Variants in NOS1AP observed in about 807,000 individuals in gnomAD.
The protein encoded by NOS1AP is carboxyl-terminal PDZ ligand of neuronal nitric oxide synthase protein.
NOS1AP carries 21 observed loss-of-function variants against 56.2 expected under a neutral mutation model. The observed-to-expected ratio is 0.37, with a 90% CI of 0.26 to 0.54. The LOEUF (loss-of-function observed/expected upper bound fraction) is 0.54, where lower values mean the gene tolerates loss of function less well. Ranked by LOEUF, NOS1AP falls within the 20% of genes least tolerant of loss-of-function variation. The pLI is 0.84. For synonymous variants in NOS1AP, 270 were observed against 274.6 expected (o/e 0.98, Z 0.17); for missense variants, 522 against 657.8 (o/e 0.79, Z 2.26).
chr1:162,264,402 C>CCTCCTCTCTTCTCTTCTCTTCTCTT lies in NOS1AP; in HGVS notation c.178-22939_178-22938insCTCTCTTCTCTTCTCTTCTCTTCTC. 4.5e-5 allele frequency among the ~76,000 whole-genome samples: 2 copies of CCTCCTCTCTTCTCTTCTCTTCTCTT among 44,876 alleles called. 1 individual carries two copies. Among genetic ancestry groups the CCTCCTCTCTTCTCTTCTCTTCTCTT allele is most frequent in the Non-Finnish European group, 9.2e-5 (2 of 21,760 alleles). 29.4% of individuals were successfully genotyped at this position (44,876 alleles called of 152,430 possible). A position where few individuals can be genotyped will look rare whatever the true frequency, so the allele number is the denominator to read the frequency against. On this transcript the variant is annotated intron_variant, in intron 2 of 9. Coordinates refer to ENST00000361897, the MANE Select transcript of NOS1AP (RefSeq NM_014697.3). The stretch of plus-strand genomic sequence containing the variant: ...TGTTTCTCATCCCTCTTTGCCCTCT[C>CCTCCTCTCTTCTCTTCTCTTCTCTT]CTCTTCTCTTCCCTTCTCTTCCCTT...
At chr1:162,097,095 C>T (rs950936883) in intron 1 of NOS1AP, among the ~76,000 whole-genome samples, 3 of 150,112 alleles carry the variant, frequency 2.0e-5, no homozygotes, top group Non-Finnish European at 4.4e-5. Flanking sequence ...TTTTGTTATC[C>T]TTAACAGTTT....
At chr1:162,258,326 G>A (rs1452337103) in intron 2 of NOS1AP, among the ~76,000 whole-genome samples, 1 of 152,182 alleles carries the variant, frequency 6.6e-6, no homozygotes, top group Non-Finnish European at 1.5e-5. Flanking sequence ...CTTGTAAACA[G>A]TGACTCCTTA....
chr1:162,350,557 C>T (rs922109846), intron 6 of NOS1AP, among the ~76,000 whole-genome samples: 1 of 152,230 alleles, frequency 6.6e-6, no homozygotes, highest in African/African-American at 2.4e-5. Flanking sequence ...GACCCTGTTC[C>T]CCTGGAGGTG....
intron 2 of NOS1AP, among the ~76,000 whole-genome samples, chr1:162,165,319 CA>C (rs781481183): frequency 6.8e-5 from 10 of 146,814 alleles, no homozygotes; most frequent in East Asian, 5.9e-4. Context: ...GAAACTCTGT[CA>C]AAAAAAAAAG....
intron 2 of NOS1AP, among the ~76,000 whole-genome samples, chr1:162,159,248 G>A (rs576642043): frequency 6.7e-4 from 102 of 152,052 alleles, no homozygotes; most frequent in Non-Finnish European, 1.4e-3. Context: ...GAGGAATAAT[G>A]AGAGCCAGAC....
chr1:162,147,393 A>G (rs1416482979), intron 1 of NOS1AP, among the ~76,000 whole-genome samples: 1 of 152,172 alleles, frequency 6.6e-6, no homozygotes, highest in East Asian at 1.9e-4. Flanking sequence ...AGCACCTGAC[A>G]TAAACCTTGT....
chr1:162,263,731 C>T (rs1415912822), intron 2 of NOS1AP, among the ~76,000 whole-genome samples: 1 of 152,120 alleles, frequency 6.6e-6, no homozygotes, highest in Non-Finnish European at 1.5e-5. Context: ...TAATTATATG[C>T]CCACTGCCTA....
At chr1:162,310,364 TG>T (rs1333533337) in intron 4 of NOS1AP, among the ~76,000 whole-genome samples, 5 of 152,260 alleles carry the variant, frequency 3.3e-5, no homozygotes, top group African/African-American at 1.2e-4. Context: ...AGCCTCGCAT[TG>T]CCTAAGGTTT....
At chr1:162,127,583 T>C (rs1451040790) in intron 1 of NOS1AP, among the ~76,000 whole-genome samples, 1 of 151,158 alleles carries the variant, frequency 6.6e-6, no homozygotes, top group Non-Finnish European at 1.5e-5. Flanking sequence ...TATAGGAAGA[T>C]TGATGTTGGC....
At chr1:162,177,432 T>C (rs938165090) in intron 2 of NOS1AP, among the ~76,000 whole-genome samples, 21 of 152,042 alleles carry the variant, frequency 1.4e-4, no homozygotes, top group African/African-American at 4.8e-4. Context: ...TGAGTTGTGG[T>C]GGTGTCTGTT....
chr1:162,312,835 T>G (rs1470910571), intron 4 of NOS1AP, among the ~76,000 whole-genome samples: 1 of 151,672 alleles, frequency 6.6e-6, no homozygotes, highest in Non-Finnish European at 1.5e-5. Context: ...TATATGCAAA[T>G]CAATAAATGT....
intron 2 of NOS1AP, among the ~76,000 whole-genome samples, chr1:162,287,042 G>A (rs1007759217): frequency 6.6e-6 from 1 of 152,178 alleles, no homozygotes; most frequent in Non-Finnish European, 1.5e-5. Context: ...ATGATAGAAT[G>A]AGTTATTGAG....
chr1:162,214,447 A>T (rs1039247516), intron 2 of NOS1AP, among the ~76,000 whole-genome samples: 3 of 152,162 alleles, frequency 2.0e-5, no homozygotes, highest in Non-Finnish European at 2.9e-5. Context: ...ACGGTGGTAA[A>T]GGCTGTACAC....
intron 1 of NOS1AP, among the ~76,000 whole-genome samples, chr1:162,076,456 A>G (rs1481166131): frequency 6.6e-6 from 1 of 152,212 alleles, no homozygotes; most frequent in Non-Finnish European, 1.5e-5. Context: ...ATTGAGATGT[A>G]GTTCACATAC....
At chr1:162,319,949 G>A (rs550437876) in intron 4 of NOS1AP, among the ~76,000 whole-genome samples, 1 of 152,106 alleles carries the variant, frequency 6.6e-6, no homozygotes, top group Admixed American at 6.5e-5. Flanking sequence ...CGTTGTCTTC[G>A]AGTCACAGCT....
chr1:162,241,018 C>T (rs1200332646), intron 2 of NOS1AP, among the ~76,000 whole-genome samples: 1 of 152,172 alleles, frequency 6.6e-6, no homozygotes, highest in Non-Finnish European at 1.5e-5. Context: ...CCAGCCTATC[C>T]TCTACTTCTC....
chr1:162,189,180 G>A (rs1403474783), intron 2 of NOS1AP, among the ~76,000 whole-genome samples: 1 of 152,110 alleles, frequency 6.6e-6, no homozygotes, highest in Admixed American at 6.5e-5. Context: ...CCTTACAATA[G>A]GAGGTCTAAG....
intron 5 of NOS1AP, among the ~76,000 whole-genome samples, chr1:162,336,815 T>A (rs1656955378): frequency 6.6e-6 from 1 of 152,210 alleles, no homozygotes; most frequent in Non-Finnish European, 1.5e-5. Flanking sequence ...TTGTTGTGTG[T>A]GAAGTGACGT....
At chr1:162,113,819 C>G (rs1040620662) in intron 1 of NOS1AP, among the ~76,000 whole-genome samples, 4 of 152,146 alleles carry the variant, frequency 2.6e-5, no homozygotes, top group Non-Finnish European at 5.9e-5. Flanking sequence ...CCATCTCCTC[C>G]TCTTACCTGT....
Sources: gnomAD v4.1 joint callset for allele counts (sites outside exome capture counted in the v4.1 genomes callset) on GRCh38, gnomAD v4.1.1 for gene constraint, MANE v1.5 for transcripts, NCBI Gene and HGNC (gene_info 2026-07-23, HGNC 2026-07-21) for gene names.